ADCY1: variants seen among roughly 807,000 people sequenced by gnomAD.
ADCY1 encodes the protein adenylate cyclase 1, also known as adenylate cyclase type 1.
Under a neutral mutation model 105.4 loss-of-function variants are expected in ADCY1, and 28 were observed. The ratio of observed to expected loss-of-function variants is 0.27; its 90% CI spans 0.20 to 0.36. The LOEUF (loss-of-function observed/expected upper bound fraction) is 0.36. ADCY1 is among the 10% of genes least tolerant of loss of function. The pLI is 1.00. For missense variants in ADCY1, 977 were observed against 1,434.2 expected (o/e 0.68, Z 5.15); for synonymous variants, 655 against 623.8 (o/e 1.05, Z -0.75).
intron 14 of ADCY1, among the ~76,000 whole-genome samples, chr7:45,698,148 AACACACATACTCTCTTACACACACACAC>A (rs1784922453): frequency 6.7e-6 from 1 of 149,882 alleles, no homozygotes; most frequent in Non-Finnish European, 1.5e-5. Context: ...TGCACACACA[AACACACATACTCTCTTACACACACACAC>A]ACACACACAC....
intron 1 of ADCY1, among the ~76,000 whole-genome samples, chr7:45,579,894 G>T (rs1475132473): frequency 6.6e-6 from 1 of 152,128 alleles, no homozygotes; most frequent in African/African-American, 2.4e-5. Context: ...CCTGTGTTTA[G>T]TGTTTAGGGA....
rs12721481 is a variant in ADCY1, at chr7:45,713,998, G to T, written c.*3G>T. ...CAGCAGCTGGGAAGGAGGCTTAGTG[G>T]AGCCCACGTGGGCCTCTGGGGTGCA... On this transcript the variant is annotated 3_prime_UTR_variant, in exon 20 of 20. Coordinates refer to ENST00000297323, the MANE Select transcript of ADCY1 (RefSeq NM_021116.4). 6.8e-3 allele frequency: 5,226 copies of T among 772,700 alleles called. 31 individuals are homozygous for T. Among genetic ancestry groups the T allele is most frequent in the Non-Finnish European group, 0.01 (4,187 of 412,970 alleles). 47.9% of individuals were successfully genotyped at this position (772,700 alleles called of 1,614,324 possible). A position where few individuals can be genotyped will look rare whatever the true frequency, so the allele number is the denominator to read the frequency against.
At chr7:45,660,932 C>G (rs538147049) in intron 7 of ADCY1, among the ~76,000 whole-genome samples, 1 of 141,896 alleles carries the variant, frequency 7.0e-6, no homozygotes, top group South Asian at 2.3e-4. Flanking sequence ...GGGTGTAGGG[C>G]TCAGGTCAGG....
At chr7:45,704,444 C>A (rs913143190) in intron 16 of ADCY1, 74 bp from the exon 17 acceptor site, 2 of 1,348,080 alleles carry the variant, frequency 1.5e-6, no homozygotes, top group African/African-American at 1.4e-5. Flanking sequence ...TGCTGTTGCT[C>A]CTGGGGGCTG....
Position 45,596,058 on chromosome 7 carries a change from GC to G in ADCY1, c.789+3154del, listed in dbSNP as rs1350651995. Among the ~76,000 whole-genome samples, 3 of 152,320 alleles carry G rather than the reference GC, an allele frequency of 2.0e-5. No individual in the cohort carries two copies. The East Asian group carries it at 5.8e-4, about 29-fold the overall frequency. The stretch of plus-strand genomic sequence containing the variant: ...GGTCTCTCAGCTACACAGGCACTTT[GC>G]CCCTCAGCATCTGCCTGGAGACTGC... On this transcript the variant is annotated intron_variant, in intron 2 of 19. Transcript: ENST00000297323.
rs1359278614 is a variant in ADCY1 at position 45,703,194 on chromosome 7, G to T, written c.2455-182G>T. Among the ~76,000 whole-genome samples, 1 of 152,202 alleles carries T rather than the reference G, an allele frequency of 6.6e-6. No homozygotes were observed. Among genetic ancestry groups the T allele is most frequent in the Non-Finnish European group, 1.5e-5 (1 of 68,042 alleles). ...GTGGTGACTTAGGCAGACATCTGCA[G>T]ATCTTCCCTACCCAGTAACATGGAT... On this transcript the variant is annotated intron_variant, in intron 14 of 19. Transcript: ENST00000297323. This position sits in a 1 kb window ranked among gnomAD's most constrained non-coding sequence, Gnocchi z 5.9.
At chr7:45,679,872 A>G in intron 11 of ADCY1, 79 bp downstream of exon 11, 1 of 1,506,786 alleles carries the variant, frequency 6.6e-7, no homozygotes, top group African/African-American at 1.4e-5. Flanking sequence ...GCACCTGCAT[A>G]TCACCTGGTC....
At chr7:45,664,239 C>A in intron 8 of ADCY1, 1 of 1,513,700 alleles carries the variant, frequency 6.6e-7, no homozygotes, top group South Asian at 1.2e-5. Context: ...AAAATTTGGT[C>A]AAGCAGAGAA....
At position 45,575,179 on chromosome 7, in the gene ADCY1, G is replaced by A; in HGVS notation, c.636G>A (p.Arg212=). The A allele has an allele frequency of 6.3e-7, 1 of 1,597,974 alleles. No homozygotes were observed. The highest frequency in any genetic ancestry group is 8.5e-7 in the Non-Finnish European group (1 of 1,172,292). The part of the protein sequence containing the change: ...LVPAKRPRLW[R]TLGANALLFV... Reference sequence around the variant, plus strand: ...CCGCCAAGCGCCCACGTCTCTGGAGGACGGTAAGTGCAGCCGCGCACCCCT... The same window carrying A: ...CCGCCAAGCGCCCACGTCTCTGGAGAACGGTAAGTGCAGCCGCGCACCCCT... Residue 212 remains arginine, a synonymous_variant, in exon 1 of 20, where the codon AGG becomes AGA. Coordinates refer to ENST00000297323, the MANE Select transcript of ADCY1 (RefSeq NM_021116.4). The surrounding 1 kb of genome is among the most constrained non-coding windows in gnomAD (Gnocchi z 4.7).
At position 45,574,478 on chromosome 7, in the gene ADCY1, C is replaced by CGGG. The variant is rs1792255430; in HGVS notation, c.-66_-65insGGG. 1.9e-6 allele frequency: 1 copy of CGGG among 539,694 alleles called. No homozygotes were observed. 33.4% of individuals were successfully genotyped at this position (539,694 alleles called of 1,614,324 possible). A position where few individuals can be genotyped will look rare whatever the true frequency, so the allele number is the denominator to read the frequency against. The stretch of plus-strand genomic sequence containing the variant: ...CGCCCGCCCGCCCCGGCGCCGCCGC[C>CGGG]CGCGCCCCGGCGCCCCGGGCCGGCG... On this transcript the variant is annotated 5_prime_UTR_variant, in exon 1 of 20. Coordinates refer to ENST00000297323, the MANE Select transcript of ADCY1 (RefSeq NM_021116.4). The surrounding 1 kb of genome is among the most constrained non-coding windows in gnomAD (Gnocchi z 7.0).
intron 10 of ADCY1, 46 bp downstream of exon 10, chr7:45,678,309 G>A (rs376796853): frequency 1.5e-5 from 24 of 1,559,362 alleles, no homozygotes; most frequent in Admixed American, 3.3e-5. Flanking sequence ...AAGAAGTCCC[G>A]GTTTCTGGGG....
intron 8 of ADCY1, among the ~76,000 whole-genome samples, chr7:45,670,424 G>A (rs954930161): frequency 5.3e-5 from 8 of 152,222 alleles, no homozygotes; most frequent in Non-Finnish European, 1.0e-4. Context: ...AGGGTTTGGA[G>A]GTGTGGCTGA....
chr7:45,628,597 G>A (rs932972013), intron 4 of ADCY1, among the ~76,000 whole-genome samples: 1 of 152,158 alleles, frequency 6.6e-6, no homozygotes, highest in African/African-American at 2.4e-5. Flanking sequence ...CCCATGGGCT[G>A]TGTTTTGGTG....
At chr7:45,626,240 A>C (rs570307181) in intron 4 of ADCY1, among the ~76,000 whole-genome samples, 4 of 152,336 alleles carry the variant, frequency 2.6e-5, no homozygotes, top group African/African-American at 9.6e-5. Context: ...TTTACAAAAC[A>C]AGGAGTGGTC....
At chr7:45,655,784 G>A (rs950500094) in intron 5 of ADCY1, among the ~76,000 whole-genome samples, 1 of 152,074 alleles carries the variant, frequency 6.6e-6, no homozygotes, top group Non-Finnish European at 1.5e-5. Context: ...GTGGGCATGG[G>A]TCCCAGAAGT....
intron 2 of ADCY1, among the ~76,000 whole-genome samples, chr7:45,606,198 T>G (rs942134867): frequency 1.3e-5 from 2 of 152,024 alleles, no homozygotes; most frequent in African/African-American, 4.8e-5. Context: ...TGGGGGATGC[T>G]TGTTACCAGC....
At chr7:45,611,495 G>A (rs545448034) in intron 3 of ADCY1, among the ~76,000 whole-genome samples, 1 of 152,156 alleles carries the variant, frequency 6.6e-6, no homozygotes, top group South Asian at 2.1e-4. Context: ...GTTGTTGCTG[G>A]GTCTGGTATA....
At chr7:45,584,223 T>C (rs1158965678) in intron 1 of ADCY1, among the ~76,000 whole-genome samples, 1 of 152,154 alleles carries the variant, frequency 6.6e-6, no homozygotes, top group African/African-American at 2.4e-5. Flanking sequence ...GGATTACAGA[T>C]GTGAGCCACC....
chr7:45,610,750 A>AGG (rs2115864210), intron 3 of ADCY1, among the ~76,000 whole-genome samples: 1 of 5,496 alleles, frequency 1.8e-4, no homozygotes, highest in South Asian at 8.9e-3. Context: ...GGAGGTGATG[A>AGG]TGGAGGTGTA....
Sources: allele counts gnomAD v4.1 joint callset (sites outside exome capture counted in the v4.1 genomes callset), GRCh38; gene constraint gnomAD v4.1.1; non-coding constraint Gnocchi (gnomAD v3.1); transcripts MANE v1.5; gene names NCBI Gene and HGNC (gene_info 2026-07-23, HGNC 2026-07-21).